The following RANBP2 variants were observed in gnomAD, a reference collection of about 807,000 sequenced individuals.
RANBP2 encodes E3 SUMO-protein ligase RanBP2.
Under a neutral mutation model 303.6 loss-of-function variants are expected in RANBP2, and 57 were observed. The ratio of observed to expected loss-of-function variants is 0.19; its 90% CI spans 0.15 to 0.23. The LOEUF is 0.23. Ranked by LOEUF, RANBP2 falls within the 10% of genes least tolerant of loss-of-function variation. The pLI, the probability that RANBP2 is intolerant of heterozygous loss-of-function variation, is 1.00. For missense variants in RANBP2, 3,138 were observed against 3,780.8 expected (o/e 0.83, Z 4.46); for synonymous variants, 1,167 against 1,301.5 (o/e 0.90, Z 2.23).
chr2:109,557,478 A>G, the RANBP2 span, among the ~76,000 whole-genome samples: 1 of 152,228 alleles, frequency 6.6e-6, no homozygotes, highest in South Asian at 2.1e-4. Context: ...AAAAGTAAAA[A>G]GCTGGGATTT....
At chr2:109,629,191 G>A in the RANBP2 span, among the ~76,000 whole-genome samples, 1 of 99,320 alleles carries the variant, frequency 1.0e-5, no homozygotes, top group African/African-American at 4.3e-5. Flanking sequence ...GACAGAGCAA[G>A]ACTCCGTCTC....
the RANBP2 span, among the ~76,000 whole-genome samples, chr2:109,406,826 T>C: frequency 7.2e-3 from 1,103 of 152,290 alleles, 8 homozygotes; most frequent in East Asian, 0.044. Flanking sequence ...TGGAAGCCTC[T>C]GCTCATGCGC....
At chr2:109,211,391 A>C in the RANBP2 span, among the ~76,000 whole-genome samples, 1 of 152,220 alleles carries the variant, frequency 6.6e-6, no homozygotes, top group Non-Finnish European at 1.5e-5. Flanking sequence ...CTAAATCAGG[A>C]GGTGTTATAA....
At chr2:109,643,084 A>C in the RANBP2 span, among the ~76,000 whole-genome samples, 1 of 151,928 alleles carries the variant, frequency 6.6e-6, no homozygotes, top group Admixed American at 6.6e-5. Context: ...CAGGAGGCTG[A>C]GGTGGGAGGA....
the RANBP2 span, among the ~76,000 whole-genome samples, chr2:109,513,694 A>G: frequency 1.3e-5 from 2 of 152,210 alleles, no homozygotes; most frequent in East Asian, 3.8e-4. Context: ...GAGGCTTTGC[A>G]GGAGGAGTGC....
rs760931362 is a variant in RANBP2, at chr2:108,766,814, C to T, written c.6275C>T (p.Thr2092Met). 8 of 1,611,844 alleles carry T rather than the reference C, an allele frequency of 5.0e-6. No homozygotes were observed. The highest frequency in any genetic ancestry group is 2.2e-5 in the East Asian group (1 of 44,888). The change falls in exon 20 of 29, where the codon ACG (threonine) becomes ATG (methionine). Residue 2092 changes from threonine to methionine, a missense_variant. Around this residue, in one of 20 missense-constraint regions of RANBP2, gnomAD observed 103 missense variants for 214.3 expected, o/e 0.48. Transcript: ENST00000283195. ...KVCANHWITT[T>M]MNLKPLSGSD... ...TGTGCTAATCATTGGATAACGACTA[C>T]GATGAACCTGAAGCCTCTCTCTGGA...
At chr2:108,925,416 T>G in the RANBP2 span, among the ~76,000 whole-genome samples, 3 of 152,162 alleles carry the variant, frequency 2.0e-5, no homozygotes, top group Non-Finnish European at 4.4e-5. Context: ...AACACCCGGC[T>G]TTATGATGGG....
the RANBP2 span, among the ~76,000 whole-genome samples, chr2:109,389,931 G>A: frequency 6.1e-4 from 93 of 152,138 alleles, no homozygotes; most frequent in Non-Finnish European, 1.2e-3. Flanking sequence ...TCCTGAATCT[G>A]TGCCAGCCAC....
the RANBP2 span, among the ~76,000 whole-genome samples, chr2:108,799,185 T>C: frequency 4.6e-5 from 7 of 152,180 alleles, no homozygotes; most frequent in East Asian, 1.3e-3. Context: ...CCAGCATTCT[T>C]ATATGTCACA....
At chr2:109,107,774 C>T in the RANBP2 span, among the ~76,000 whole-genome samples, 2 of 152,148 alleles carry the variant, frequency 1.3e-5, no homozygotes, top group African/African-American at 4.8e-5. Flanking sequence ...GAGTCTCTGT[C>T]GCCCAAGCTG....
At chr2:109,364,075 T>C in the RANBP2 span, among the ~76,000 whole-genome samples, 1 of 152,114 alleles carries the variant, frequency 6.6e-6, no homozygotes, top group Non-Finnish European at 1.5e-5. Context: ...TTTCTTCTCC[T>C]TCTAGTATTC....
At chr2:109,713,287 C>T in the RANBP2 span, among the ~76,000 whole-genome samples, 2 of 152,110 alleles carry the variant, frequency 1.3e-5, no homozygotes, top group Non-Finnish European at 2.9e-5. Context: ...CATTAATAAG[C>T]CCTCCTGGTA....
the RANBP2 span, among the ~76,000 whole-genome samples, chr2:109,526,659 A>G: frequency 0.31 from 46,922 of 151,972 alleles, 7,483 homozygotes; most frequent in Admixed American, 0.42. Context: ...TGGAGGCCCA[A>G]GGGTGGGAGG....
chr2:109,153,698 C>A, the RANBP2 span, among the ~76,000 whole-genome samples: 1 of 152,212 alleles, frequency 6.6e-6, no homozygotes, highest in Non-Finnish European at 1.5e-5. Flanking sequence ...TTGATCTAGT[C>A]TCCAGGGTGT....
At chr2:109,469,775 A>C in the RANBP2 span, among the ~76,000 whole-genome samples, 1,896 of 152,354 alleles carry the variant, frequency 0.012, 40 homozygotes, top group African/African-American at 0.043. Flanking sequence ...AGATCTCATG[A>C]AGAAAAGCCA....
At chr2:108,775,612 T>C in intron 23 of RANBP2, 120 bp from the exon 24 acceptor site, 1 of 948,722 alleles carries the variant, frequency 1.1e-6, no homozygotes, top group South Asian at 1.4e-5. Flanking sequence ...TAGGGTGAAG[T>C]GTGTTTATTC....
chr2:108,759,038 G>A (rs1322624205), intron 18 of RANBP2, among the ~76,000 whole-genome samples: 2 of 149,176 alleles, frequency 1.3e-5, no homozygotes, highest in African/African-American at 5.0e-5. Flanking sequence ...TACTATAATA[G>A]CTGTGTAAGA....
the RANBP2 span, among the ~76,000 whole-genome samples, chr2:109,008,489 A>G: frequency 3.3e-5 from 5 of 152,066 alleles, no homozygotes; most frequent in African/African-American, 1.2e-4. Context: ...CCCATGGCAG[A>G]CACCAGGGCA....
At chr2:109,152,653 A>G in the RANBP2 span, among the ~76,000 whole-genome samples, 1 of 152,244 alleles carries the variant, frequency 6.6e-6, no homozygotes, top group East Asian at 1.9e-4. Flanking sequence ...ATTATTTAAT[A>G]AAGAGTAAGC....
Sources: allele counts gnomAD v4.1 joint callset (sites outside exome capture counted in the v4.1 genomes callset), GRCh38; gene constraint gnomAD v4.1.1; regional missense constraint gnomAD v4.1.1; transcripts MANE v1.5; gene names NCBI Gene and HGNC (gene_info 2026-07-23, HGNC 2026-07-21).